PRORP: variants seen among roughly 807,000 people sequenced by gnomAD.
PRORP encodes the protein mitochondrial ribonuclease P catalytic subunit.
A neutral mutation model predicts 59.4 loss-of-function variants in PRORP; 51 were observed. The observed-to-expected ratio is 0.86, with a 90% CI of 0.69 to 1.08. PRORP has a LOEUF of 1.08. Among genes scored for constraint, PRORP ranks in the 50% least tolerant of loss-of-function variants. The pLI, the probability that PRORP is intolerant of heterozygous loss-of-function variation, is 0.00. For synonymous variants in PRORP, 231 were observed against 245.6 expected, an observed-to-expected ratio of 0.94 and a Z score of 0.55; for missense variants, 646 against 690.3, an observed-to-expected ratio of 0.94 and a Z score of 0.72.
At chr14:35,257,896 TC>T (rs2050799267) in intron 5 of PRORP, among the ~76,000 whole-genome samples, 2 of 152,198 alleles carry the variant, frequency 1.3e-5, no homozygotes, top group Admixed American at 6.5e-5. Context: ...ACTCTTGCTC[TC>T]ATTGGCCTCT....
intron 5 of PRORP, among the ~76,000 whole-genome samples, chr14:35,254,130 A>G (rs768496358): frequency 4.0e-5 from 6 of 151,158 alleles, no homozygotes; most frequent in Admixed American, 2.0e-4. Context: ...CAGCTGTCCA[A>G]TCTGTCTTGC....
At chr14:35,176,592 G>T (rs183877223) in intron 4 of PRORP, among the ~76,000 whole-genome samples, 1,861 of 152,242 alleles carry the variant, frequency 0.012, 35 homozygotes, top group African/African-American at 0.043. Context: ...CATTGATTTT[G>T]TATCCTGAGA....
intron 5 of PRORP, among the ~76,000 whole-genome samples, chr14:35,184,744 AGTTCCCACTTAT>A (rs1365359838): frequency 2.0e-4 from 31 of 152,228 alleles, no homozygotes; most frequent in African/African-American, 7.5e-4. Flanking sequence ...TTTATAATTT[AGTTCCCACTTAT>A]AAGTGAGAAC....
intron 4 of PRORP, among the ~76,000 whole-genome samples, chr14:35,143,631 T>G (rs1231037615): frequency 6.9e-6 from 1 of 144,990 alleles, no homozygotes; most frequent in Non-Finnish European, 1.5e-5. Context: ...GACAGATAGT[T>G]TTTGTTTGTT....
At chr14:35,268,174 C>A (rs1478509375) in intron 6 of PRORP, among the ~76,000 whole-genome samples, 1 of 151,806 alleles carries the variant, frequency 6.6e-6, no homozygotes, top group Non-Finnish European at 1.5e-5. Flanking sequence ...ATAGTGAACC[C>A]CATCTCTACT....
chr14:35,255,659 A>G (rs1357001172), intron 5 of PRORP, among the ~76,000 whole-genome samples: 6 of 152,328 alleles, frequency 3.9e-5, no homozygotes, highest in Admixed American at 6.5e-5. Flanking sequence ...GACTACATGC[A>G]TGTACCACCA....
intron 4 of PRORP, among the ~76,000 whole-genome samples, chr14:35,165,130 A>G (rs79107197): frequency 0.012 from 1,902 of 152,282 alleles, 37 homozygotes; most frequent in African/African-American, 0.04. Context: ...CTACTCCATG[A>G]TCCTTAAACA....
At chr14:35,181,431 G>A (rs2139041226) in intron 5 of PRORP, among the ~76,000 whole-genome samples, 1 of 152,256 alleles carries the variant, frequency 6.6e-6, no homozygotes, top group Non-Finnish European at 1.5e-5. Context: ...TTTCAGACTT[G>A]TGGCTCTTAT....
At chr14:35,176,753 T>C (rs1290293929) in intron 4 of PRORP, among the ~76,000 whole-genome samples, 2 of 152,138 alleles carry the variant, frequency 1.3e-5, no homozygotes, top group African/African-American at 2.4e-5. Context: ...TGCCTGATTG[T>C]CCTGGCCAGA....
chr14:35,195,271 TAA>T (rs1212458420), intron 5 of PRORP, among the ~76,000 whole-genome samples: 1 of 152,092 alleles, frequency 6.6e-6, no homozygotes, highest in African/African-American at 2.4e-5. Context: ...CACAGGTACA[TAA>T]AGATACATAA....
At chr14:35,128,339 A>G (rs2047150258) in intron 4 of PRORP, among the ~76,000 whole-genome samples, 1 of 149,810 alleles carries the variant, frequency 6.7e-6, no homozygotes, top group South Asian at 2.1e-4. Context: ...TTTTGGTATC[A>G]AGGTAACACT....
At chr14:35,223,225 CTT>C (rs11333388) in intron 5 of PRORP, among the ~76,000 whole-genome samples, 273 of 145,340 alleles carry the variant, frequency 1.9e-3, no homozygotes, top group Middle Eastern at 3.6e-3. Flanking sequence ...ATCAGGTGCT[CTT>C]TTTTTTTTTT....
chr14:35,181,128 A>C (rs1189766977), intron 5 of PRORP, among the ~76,000 whole-genome samples: 1 of 152,130 alleles, frequency 6.6e-6, no homozygotes, highest in Non-Finnish European at 1.5e-5. Context: ...CTTATATTTG[A>C]AAATTATCAA....
At chr14:35,216,341 G>A (rs1043630934) in intron 5 of PRORP, among the ~76,000 whole-genome samples, 1 of 149,594 alleles carries the variant, frequency 6.7e-6, no homozygotes, top group Non-Finnish European at 1.5e-5. Flanking sequence ...ACAAGGTCTT[G>A]TTCTGTTGCC....
chr14:35,178,247 T>C (rs993916934), intron 4 of PRORP, among the ~76,000 whole-genome samples: 2 of 152,196 alleles, frequency 1.3e-5, no homozygotes, highest in Non-Finnish European at 2.9e-5. Flanking sequence ...GTTCTGTAGA[T>C]GTCTATTAGG....
At chr14:35,160,904 G>T (rs536944339) in intron 4 of PRORP, among the ~76,000 whole-genome samples, 2 of 152,120 alleles carry the variant, frequency 1.3e-5, no homozygotes, top group African/African-American at 4.8e-5. Context: ...CAAAGGGATC[G>T]ATCTTACCTC....
At chr14:35,210,628 G>A (rs2049413871) in intron 5 of PRORP, among the ~76,000 whole-genome samples, 1 of 150,244 alleles carries the variant, frequency 6.7e-6, no homozygotes, top group Admixed American at 6.7e-5. Context: ...CATGCAACTA[G>A]CTAGAAATAC....
At chr14:35,191,891 A>G (rs1292575878) in intron 5 of PRORP, among the ~76,000 whole-genome samples, 1 of 152,072 alleles carries the variant, frequency 6.6e-6, no homozygotes, top group African/African-American at 2.4e-5. Flanking sequence ...GTAGACTGAC[A>G]AGTTTTCTTG....
intron 4 of PRORP, among the ~76,000 whole-genome samples, chr14:35,150,821 G>A (rs759862279): frequency 6.6e-6 from 1 of 152,144 alleles, no homozygotes; most frequent in Non-Finnish European, 1.5e-5. Flanking sequence ...TGAGGGGGGT[G>A]CTCAAATGGA....
Sources: gnomAD v4.1 joint callset for allele counts (sites outside exome capture counted in the v4.1 genomes callset) on GRCh38, gnomAD v4.1.1 for gene constraint, MANE v1.5 for transcripts, NCBI Gene and HGNC (gene_info 2026-07-23, HGNC 2026-07-21) for gene names.